ETHE1: variants seen among roughly 807,000 people sequenced by gnomAD.
The protein encoded by ETHE1 is persulfide dioxygenase ETHE1, mitochondrial.
A neutral mutation model predicts 25.7 loss-of-function variants in ETHE1; 16 were observed. The observed-to-expected ratio is 0.62, with a 90% CI of 0.42 to 0.95. ETHE1 has a LOEUF of 0.95. ETHE1 is among the 40% of genes least tolerant of loss of function. The probability of loss-of-function intolerance (pLI) is 0.00; values close to 1 mark genes in which losing one functional copy is unlikely to be tolerated. For missense variants in ETHE1, 300 were observed against 333.6 expected (o/e 0.90, Z 0.79); for synonymous variants, 139 against 135.9 (o/e 1.02, Z -0.16).
intron 3 of ETHE1, among the ~76,000 whole-genome samples, chr19:43,520,988 C>T (rs894718799): frequency 6.6e-6 from 1 of 152,038 alleles, no homozygotes; most frequent in Non-Finnish European, 1.5e-5. Flanking sequence ...CTTTCTGATT[C>T]GGCCACCCTG....
chr19:43,517,762 T>G (rs1972051983), intron 3 of ETHE1, among the ~76,000 whole-genome samples: 1 of 141,324 alleles, frequency 7.1e-6, no homozygotes, highest in African/African-American at 2.7e-5. Context: ...GGTGACAGAG[T>G]GAGACTCCGC....
chr19:43,508,767 GC>G lies in ETHE1; in HGVS notation c.595+7del. Reference sequence around the variant, plus strand: ...GTACGCCCCACACCTCTTCCAGGAAGCCCTCACCATGGTAATCGTGAGCAGG... The same window carrying G: ...GTACGCCCCACACCTCTTCCAGGAAGCCTCACCATGGTAATCGTGAGCAGG... On this transcript the variant is annotated splice_region_variant and intron_variant, in intron 5 of 6. Coordinates refer to ENST00000292147, the MANE Select transcript of ETHE1 (RefSeq NM_014297.5). The G allele has an allele frequency of 1.3e-6, 2 of 1,588,676 alleles. No individual in the cohort carries two copies. Among genetic ancestry groups the G allele is most frequent in the South Asian group, 1.1e-5 (1 of 87,452 alleles).
Position 43,523,861 on chromosome 19 carries a change from A to C in ETHE1, c.375+2340T>G, listed in dbSNP as rs145768384. On this transcript the variant is annotated intron_variant, in intron 3 of 6. Coordinates refer to ENST00000292147, the MANE Select transcript of ETHE1 (RefSeq NM_014297.5). ...TGAGACAGCAGAATCGCTTGCGCTC[A>C]GGAGGCAGAGGCTGCAGTGAACTGA... Among the ~76,000 whole-genome samples, 337 of 152,006 alleles carry C rather than the reference A, an allele frequency of 2.2e-3. 1 individual carries two copies. Among genetic ancestry groups the C allele is most frequent in the African/African-American group, 5.8e-3 (242 of 41,496 alleles).
chr19:43,526,537 C>CATAG lies in ETHE1; in HGVS notation c.203_204insCTAT (p.Gly69TyrfsTer39), dbSNP rs751771169. ...GACCAGCATAGAGCAGCCGCAGCCC[C>CATAG]AGCTCCTTGATCAGCTGGGCATCCC... On this transcript the variant is annotated frameshift_variant, in exon 2 of 7. Coordinates refer to ENST00000292147, the MANE Select transcript of ETHE1 (RefSeq NM_014297.5). LOFTEE classifies it high-confidence loss of function. The CATAG allele has an allele frequency of 6.2e-7, 1 of 1,613,778 alleles. No individual in the cohort carries two copies. The highest frequency in any genetic ancestry group is 1.1e-5 in the South Asian group (1 of 91,018).
chr19:43,520,411 A>C (rs1600008855), intron 3 of ETHE1, among the ~76,000 whole-genome samples: 1 of 152,126 alleles, frequency 6.6e-6, no homozygotes, highest in East Asian at 1.9e-4. Flanking sequence ...ACACTGTAAA[A>C]AAAAATTTTA....
Position 43,506,804 on chromosome 19 carries a change from C to T in ETHE1, c.*46G>A, listed in dbSNP as rs1410998412. The T allele has an allele frequency of 1.3e-6, 2 of 1,568,236 alleles. No homozygotes were observed. The highest frequency in any genetic ancestry group is 8.8e-7 in the Non-Finnish European group (1 of 1,139,796). ...CAGTGTCATTGCCGCCCTCTCCTCCCACCTAGTGCATTAATAGTGGATGGG... is the reference window on the plus strand; with the variant it reads ...CAGTGTCATTGCCGCCCTCTCCTCCTACCTAGTGCATTAATAGTGGATGGG... On this transcript the variant is annotated 3_prime_UTR_variant, in exon 7 of 7. Coordinates refer to ENST00000292147, the MANE Select transcript of ETHE1 (RefSeq NM_014297.5).
intron 4 of ETHE1, 102 bp from the exon 5 acceptor site, chr19:43,508,966 C>T: frequency 1.1e-6 from 1 of 900,046 alleles, no homozygotes; most frequent in Non-Finnish European, 1.8e-6. Context: ...ATAGCTAAAC[C>T]CTCTCCTTCG....
chr19:43,514,154 A>G (rs1036846884), intron 3 of ETHE1, among the ~76,000 whole-genome samples: 4 of 152,066 alleles, frequency 2.6e-5, no homozygotes, highest in Admixed American at 2.6e-4. Context: ...AAGTGGAATG[A>G]TATGGTTTGG....
At chr19:43,526,049 C>T (rs1288348907) in intron 3 of ETHE1, 152 bp downstream of exon 3, 24 of 1,179,138 alleles carry the variant, frequency 2.0e-5, no homozygotes, top group East Asian at 2.5e-5. Flanking sequence ...TATGGTGCCC[C>T]CCTCCCAGAA....
intron 5 of ETHE1, 25 bp downstream of exon 5, chr19:43,508,750 C>T (rs1243462264): frequency 1.9e-6 from 3 of 1,548,102 alleles, no homozygotes; most frequent in South Asian, 1.2e-5. Context: ...ATGTACGCCC[C>T]ACACCTCTTC....
intron 3 of ETHE1, among the ~76,000 whole-genome samples, chr19:43,512,532 AG>A (rs1971937564): frequency 6.6e-6 from 1 of 152,178 alleles, no homozygotes; most frequent in African/African-American, 2.4e-5. Context: ...GAGATGACTT[AG>A]GGTACCTAGT....
intron 3 of ETHE1, among the ~76,000 whole-genome samples, chr19:43,514,215 T>A (rs961767163): frequency 6.6e-6 from 1 of 152,072 alleles, no homozygotes; most frequent in Non-Finnish European, 1.5e-5. Context: ...ATAATCCCCA[T>A]GGGTTGTGGG....
chr19:43,521,259 A>G (rs1000844068), intron 3 of ETHE1, among the ~76,000 whole-genome samples: 1 of 152,082 alleles, frequency 6.6e-6, no homozygotes, highest in Non-Finnish European at 1.5e-5. Context: ...CGAAAGGCGG[A>G]GGTTGCAGTG....
At chr19:43,526,792 C>T in intron 1 of ETHE1, 133 bp from the exon 2 acceptor site, 1 of 1,526,652 alleles carries the variant, frequency 6.6e-7, no homozygotes, top group Non-Finnish European at 8.8e-7. Flanking sequence ...CCCCGGGAGT[C>T]GGGAGTCCGG....
At chr19:43,511,351 T>G (rs775370746) in intron 4 of ETHE1, 86 bp downstream of exon 4, 54 of 1,589,272 alleles carry the variant, frequency 3.4e-5, no homozygotes, top group Non-Finnish European at 4.5e-5. Flanking sequence ...CTAATGTCCA[T>G]CCATTCATTC....
In ETHE1 at chr19:43,526,314, A is replaced by G; in HGVS notation, c.262T>C (p.Ser88Pro). 1 of 1,614,134 alleles carries G rather than the reference A, an allele frequency of 6.2e-7. No individual in the cohort carries two copies. Among genetic ancestry groups the G allele is most frequent in the Non-Finnish European group, 8.5e-7 (1 of 1,180,016 alleles). Residue 88 changes from serine to proline, a missense_variant, in exon 3 of 7, where the codon TCG becomes CCG. Transcript: ENST00000292147. ...GGGAGGAGGGAACGGAGCAGCCCCG[A>G]GCCTGTAATGTGGTCCGCGTGGCAG... ...THCHADHITG[S>P]GLLRSLLPGC...
At chr19:43,510,056 C>G (rs1256621438) in intron 4 of ETHE1, among the ~76,000 whole-genome samples, 3 of 152,098 alleles carry the variant, frequency 2.0e-5, no homozygotes, top group African/African-American at 7.2e-5. Context: ...GAGGAAGAGG[C>G]CTGGGGATGT....
At chr19:43,509,856 G>T (rs866590609) in intron 4 of ETHE1, among the ~76,000 whole-genome samples, 2 of 152,196 alleles carry the variant, frequency 1.3e-5, no homozygotes, top group African/African-American at 2.4e-5. Flanking sequence ...CCCAGGAGGA[G>T]AGTGTGAAGC....
At chr19:43,514,485 C>CTTTTTTT (rs767043458) in intron 3 of ETHE1, among the ~76,000 whole-genome samples, 2 of 113,230 alleles carry the variant, frequency 1.8e-5, no homozygotes, top group Non-Finnish European at 1.7e-5. Context: ...TTGGGTATGT[C>CTTTTTTT]TTTTTTTTTT....
Sources: allele counts gnomAD v4.1 joint callset (sites outside exome capture counted in the v4.1 genomes callset), GRCh38; gene constraint gnomAD v4.1.1; transcripts MANE v1.5; gene names NCBI Gene and HGNC (gene_info 2026-07-23, HGNC 2026-07-21).